CALCR: variants seen among roughly 807,000 people sequenced by gnomAD.
CALCR encodes calcitonin receptor.
CALCR carries 47 observed loss-of-function variants against 59.5 expected under a neutral mutation model. The observed-to-expected ratio is 0.79, with a 90% CI of 0.63 to 1.01. The LOEUF is 1.01. Ranked by LOEUF, CALCR falls within the 50% of genes least tolerant of loss-of-function variation. CALCR has a pLI of 0.00. For missense variants in CALCR, 566 were observed against 597.1 expected (o/e 0.95, Z 0.54); for synonymous variants, 213 against 211.3 (o/e 1.01, Z -0.07).
At chr7:93,566,010 G>T (rs184354676) in intron 2 of CALCR, among the ~76,000 whole-genome samples, 1 of 152,178 alleles carries the variant, frequency 6.6e-6, no homozygotes, top group Admixed American at 6.5e-5. Context: ...TTGACTTTAT[G>T]AACACCTCAC....
At chr7:93,486,118 T>A (rs1800938419) in intron 3 of CALCR, among the ~76,000 whole-genome samples, 1 of 151,626 alleles carries the variant, frequency 6.6e-6, no homozygotes, top group South Asian at 2.1e-4. Context: ...TATTGAGTGA[T>A]CTTTGCTGCC....
intron 2 of CALCR, among the ~76,000 whole-genome samples, chr7:93,509,366 G>T (rs1235598348): frequency 3.3e-5 from 5 of 152,060 alleles, no homozygotes; most frequent in African/African-American, 9.7e-5. Flanking sequence ...GAAAGGAAAA[G>T]ATCCTAATAG....
chr7:93,478,703 A>C (rs138534192), intron 4 of CALCR, among the ~76,000 whole-genome samples: 206 of 151,660 alleles, frequency 1.4e-3, no homozygotes, highest in African/African-American at 4.3e-3. Flanking sequence ...CTCAGGGGAC[A>C]AGTAGGAGAA....
At chr7:93,508,131 C>G (rs912468385) in intron 2 of CALCR, among the ~76,000 whole-genome samples, 1 of 152,112 alleles carries the variant, frequency 6.6e-6, no homozygotes, top group East Asian at 1.9e-4. Flanking sequence ...AAATACAATT[C>G]ACACATATAT....
chr7:93,536,987 A>G (rs1270415734), intron 2 of CALCR, among the ~76,000 whole-genome samples: 1 of 151,852 alleles, frequency 6.6e-6, no homozygotes. Flanking sequence ...TAAGTGATTT[A>G]GAAAAAACAT....
chr7:93,550,570 T>TTTCCATTTGGGC (rs1789425752), intron 2 of CALCR, among the ~76,000 whole-genome samples: 1 of 130,648 alleles, frequency 7.7e-6, no homozygotes, highest in African/African-American at 3.1e-5. Context: ...TTCACAATAA[T>TTTCCATTTGGGC]TATAACCAAG....
At chr7:93,496,029 G>T in intron 2 of CALCR, 1 of 963,442 alleles carries the variant, frequency 1.0e-6, no homozygotes, top group Non-Finnish European at 1.5e-6. Flanking sequence ...TGAACAGAAT[G>T]TCTTCATGTA....
At chr7:93,479,217 A>G (rs1378285401) in intron 4 of CALCR, 137 bp downstream of exon 4, 1 of 883,058 alleles carries the variant, frequency 1.1e-6, no homozygotes, top group East Asian at 2.5e-5. Flanking sequence ...TGAAATACAC[A>G]AACATACCAT....
chr7:93,540,148 A>C (rs1172636232), intron 2 of CALCR, among the ~76,000 whole-genome samples: 1 of 152,176 alleles, frequency 6.6e-6, no homozygotes, highest in Non-Finnish European at 1.5e-5. Flanking sequence ...TGCAATCAAA[A>C]ACTCCGATTA....
chr7:93,506,067 C>G (rs1009667868), intron 2 of CALCR, among the ~76,000 whole-genome samples: 3 of 152,194 alleles, frequency 2.0e-5, no homozygotes, highest in Non-Finnish European at 4.4e-5. Context: ...TCAGGTGTCC[C>G]TCTCTCTCAA....
At chr7:93,490,146 C>G (rs1424531061) in intron 2 of CALCR, among the ~76,000 whole-genome samples, 1 of 151,516 alleles carries the variant, frequency 6.6e-6, no homozygotes, top group Non-Finnish European at 1.5e-5. Context: ...AAACAGAACC[C>G]AAGACAAAAA....
intron 2 of CALCR, among the ~76,000 whole-genome samples, chr7:93,571,796 T>C (rs1437808391): frequency 6.6e-6 from 1 of 152,194 alleles, no homozygotes; most frequent in African/African-American, 2.4e-5. Flanking sequence ...ATAATGATAA[T>C]AGCTTGTAAC....
intron 2 of CALCR, among the ~76,000 whole-genome samples, chr7:93,533,156 G>T (rs1038107347): frequency 6.6e-6 from 1 of 151,750 alleles, no homozygotes; most frequent in Non-Finnish European, 1.5e-5. Context: ...TATTACATTT[G>T]AAATATGTAA....
chr7:93,493,118 C>A (rs1801121201), intron 2 of CALCR, among the ~76,000 whole-genome samples: 1 of 151,190 alleles, frequency 6.6e-6, no homozygotes, highest in Non-Finnish European at 1.5e-5. Context: ...AATGCTAAAC[C>A]CTTTCAGATA....
chr7:93,527,165 C>A (rs1051829703), intron 2 of CALCR, among the ~76,000 whole-genome samples: 86 of 151,778 alleles, frequency 5.7e-4, no homozygotes, highest in African/African-American at 2.0e-3. Flanking sequence ...TTTTTTCTCT[C>A]ATTTTTCTAA....
At chr7:93,443,824 A>T in intron 8 of CALCR, 67 bp from the exon 9 acceptor site, 2 of 1,436,706 alleles carry the variant, frequency 1.4e-6, no homozygotes. Flanking sequence ...AGCACAGAGC[A>T]AATGTGAAAA....
intron 2 of CALCR, among the ~76,000 whole-genome samples, chr7:93,571,897 G>C (rs1247184749): frequency 6.6e-6 from 1 of 152,024 alleles, no homozygotes; most frequent in African/African-American, 2.4e-5. Flanking sequence ...TGTGCCAAGG[G>C]GAATGATGCT....
At chr7:93,523,018 A>T (rs530067486) in intron 2 of CALCR, among the ~76,000 whole-genome samples, 3 of 152,302 alleles carry the variant, frequency 2.0e-5, no homozygotes, top group Non-Finnish European at 4.4e-5. Flanking sequence ...TTAATGTTTT[A>T]AATTAGCATT....
intron 13 of CALCR, among the ~76,000 whole-genome samples, chr7:93,430,604 C>T (rs1799639052): frequency 6.6e-6 from 1 of 152,142 alleles, no homozygotes; most frequent in Non-Finnish European, 1.5e-5. Context: ...AATAAAATTT[C>T]CTACATCTCC....
Sources: gnomAD v4.1 joint callset for allele counts (sites outside exome capture counted in the v4.1 genomes callset) on GRCh38, gnomAD v4.1.1 for gene constraint, MANE v1.5 for transcripts, NCBI Gene and HGNC (gene_info 2026-07-23, HGNC 2026-07-21) for gene names.